The following CTNNA3 variants were observed in gnomAD, a reference collection of about 807,000 sequenced individuals.
The protein encoded by CTNNA3 is catenin alpha 3.
A neutral mutation model predicts 95.7 loss-of-function variants in CTNNA3; 76 were observed. That is an observed-to-expected ratio of 0.79 (90% confidence interval 0.66 to 0.96). CTNNA3 has a LOEUF of 0.96. Ranked by LOEUF, CTNNA3 falls within the 40% of genes least tolerant of loss-of-function variation. CTNNA3 has a pLI of 0.00. For synonymous variants in CTNNA3, 431 were observed against 374.4 expected (o/e 1.15, Z -1.74); for missense variants, 1,191 against 1,089.8 (o/e 1.09, Z -1.31).
At chr10:66,072,026 C>G (rs556666515) in intron 14 of CTNNA3, among the ~76,000 whole-genome samples, 1 of 152,170 alleles carries the variant, frequency 6.6e-6, no homozygotes, top group Non-Finnish European at 1.5e-5. Flanking sequence ...CAGCTCACAC[C>G]ATATCACTCC....
At chr10:66,769,186 C>G (rs765185466) in intron 8 of CTNNA3, among the ~76,000 whole-genome samples, 4 of 152,200 alleles carry the variant, frequency 2.6e-5, no homozygotes, top group Non-Finnish European at 4.4e-5. Flanking sequence ...GCAAGAATAA[C>G]AGGTGAAAAA....
intron 1 of CTNNA3, among the ~76,000 whole-genome samples, chr10:67,702,211 G>C (rs1050952373): frequency 6.6e-6 from 1 of 151,792 alleles, no homozygotes; most frequent in Non-Finnish European, 1.5e-5. Flanking sequence ...ACATTAGACA[G>C]ATCAACGAGA....
intron 7 of CTNNA3, among the ~76,000 whole-genome samples, chr10:67,064,204 A>C (rs1292393378): frequency 1.3e-5 from 2 of 152,158 alleles, no homozygotes; most frequent in African/African-American, 4.8e-5. Flanking sequence ...GAATTGTTAA[A>C]ATTCCACATA....
chr10:67,606,836 G>C, intron 3 of CTNNA3, 21 bp downstream of exon 3: 1 of 1,588,872 alleles, frequency 6.3e-7, no homozygotes, highest in Non-Finnish European at 8.6e-7. Flanking sequence ...GTTTGCTCCT[G>C]ACCAGGATTG....
intron 5 of CTNNA3, among the ~76,000 whole-genome samples, chr10:67,468,705 T>C (rs1847698412): frequency 6.6e-6 from 1 of 152,176 alleles, no homozygotes; most frequent in South Asian, 2.1e-4. Flanking sequence ...TTTTACTGGT[T>C]AGAGGCAGAT....
chr10:67,750,135 CAT>C, intron 1 of CTNNA3: 1 of 802,938 alleles, frequency 1.2e-6, no homozygotes, highest in Middle Eastern at 3.7e-4. Flanking sequence ...CCAGACACAC[CAT>C]CTTTAAGAGC....
At chr10:67,160,069 A>G (rs552552098) in intron 7 of CTNNA3, among the ~76,000 whole-genome samples, 7 of 152,178 alleles carry the variant, frequency 4.6e-5, no homozygotes, top group Non-Finnish European at 1.0e-4. Context: ...AAGGACCCGA[A>G]TAGACATTTC....
intron 7 of CTNNA3, among the ~76,000 whole-genome samples, chr10:67,092,351 C>T (rs1053859929): frequency 2.0e-5 from 3 of 151,832 alleles, no homozygotes; most frequent in African/African-American, 2.4e-5. Flanking sequence ...TAACACTTAC[C>T]AAGCAAACTA....
At chr10:66,653,349 A>C (rs1411571407) in intron 9 of CTNNA3, among the ~76,000 whole-genome samples, 2 of 151,926 alleles carry the variant, frequency 1.3e-5, no homozygotes, top group African/African-American at 4.8e-5. Flanking sequence ...CAAGAAAACT[A>C]TCCCATTTAT....
chr10:67,332,075 CTG>C (rs1841815894), intron 5 of CTNNA3, among the ~76,000 whole-genome samples: 1 of 152,090 alleles, frequency 6.6e-6, no homozygotes, highest in African/African-American at 2.4e-5. Flanking sequence ...TTATAGGAAT[CTG>C]TGTGATTAAG....
At chr10:67,429,145 G>C (rs188762662) in intron 5 of CTNNA3, among the ~76,000 whole-genome samples, 1 of 151,926 alleles carries the variant, frequency 6.6e-6, no homozygotes, top group African/African-American at 2.4e-5. Flanking sequence ...TTTTTGATTT[G>C]TGTTTGTCTA....
In CTNNA3 at chr10:66,093,347, G is replaced by A. The variant is rs2081280820; in HGVS notation, c.1977+9810C>T. On this transcript the variant is annotated intron_variant, in intron 14 of 17. Coordinates refer to ENST00000433211, the MANE Select transcript of CTNNA3 (RefSeq NM_013266.4). Reference sequence around the variant, plus strand: ...TGACATGTAAAAATCCAAAAGGAGTGAGTAAACTGTCCTTTAGACAGCTTT... The same window carrying A: ...TGACATGTAAAAATCCAAAAGGAGTAAGTAAACTGTCCTTTAGACAGCTTT... 2.0e-5 allele frequency among the ~76,000 whole-genome samples: 3 copies of A among 152,030 alleles called. 1 individual carries two copies. The South Asian group carries it at 6.2e-4, about 31-fold the overall frequency.
At chr10:66,265,409 A>G (rs1429119628) in intron 13 of CTNNA3, among the ~76,000 whole-genome samples, 2 of 152,024 alleles carry the variant, frequency 1.3e-5, no homozygotes, top group Admixed American at 6.6e-5. Flanking sequence ...GAAACTTCTT[A>G]AAATGCAAAT....
At chr10:66,579,696 A>G (rs970485572) in intron 10 of CTNNA3, among the ~76,000 whole-genome samples, 1 of 151,606 alleles carries the variant, frequency 6.6e-6, no homozygotes, top group Non-Finnish European at 1.5e-5. Context: ...TTGTTCCTTC[A>G]TCTCCGAGAA....
intron 2 of CTNNA3, among the ~76,000 whole-genome samples, chr10:67,610,275 C>T (rs1843415801): frequency 6.6e-6 from 1 of 152,070 alleles, no homozygotes; most frequent in African/African-American, 2.4e-5. Context: ...ATAATAAATG[C>T]CAGAGAAGTA....
At chr10:67,286,483 T>C (rs754759027) in intron 5 of CTNNA3, among the ~76,000 whole-genome samples, 29 of 152,238 alleles carry the variant, frequency 1.9e-4, no homozygotes, top group Non-Finnish European at 4.0e-4. Context: ...CTCACAGGGT[T>C]AATGTGAAGA....
At chr10:67,271,575 T>C (rs1838978454) in intron 5 of CTNNA3, among the ~76,000 whole-genome samples, 1 of 152,206 alleles carries the variant, frequency 6.6e-6, no homozygotes, top group Non-Finnish European at 1.5e-5. Flanking sequence ...AACTACACTC[T>C]TCTAATCACT....
intron 10 of CTNNA3, among the ~76,000 whole-genome samples, chr10:66,546,342 AT>A (rs1842033748): frequency 6.6e-6 from 1 of 152,124 alleles, no homozygotes; most frequent in African/African-American, 2.4e-5. Flanking sequence ...AAAAGAATAT[AT>A]TTTCCCCACT....
chr10:66,830,162 A>C (rs1443262680), intron 7 of CTNNA3, among the ~76,000 whole-genome samples: 1 of 152,182 alleles, frequency 6.6e-6, no homozygotes, highest in East Asian at 1.9e-4. Context: ...ACAGACCTCA[A>C]AATCTCTCAT....
Sources: gnomAD v4.1 joint callset for allele counts (sites outside exome capture counted in the v4.1 genomes callset) on GRCh38, gnomAD v4.1.1 for gene constraint, MANE v1.5 for transcripts, NCBI Gene and HGNC (gene_info 2026-07-23, HGNC 2026-07-21) for gene names.